The following PXMP2 variants were observed in gnomAD, a reference collection of about 807,000 sequenced individuals.
The protein encoded by PXMP2 is 22 kDa peroxisomal membrane protein.
Under a neutral mutation model 20.2 loss-of-function variants are expected in PXMP2, and 13 were observed. The ratio of observed to expected loss-of-function variants is 0.64; its 90% CI spans 0.42 to 1.02. PXMP2 has a LOEUF of 1.02. PXMP2 is among the 50% of genes least tolerant of loss of function. PXMP2 has a pLI of 0.00. For synonymous variants in PXMP2, 113 were observed against 111.2 expected, an observed-to-expected ratio of 1.02 and a Z score of -0.10; for missense variants, 284 against 251.8, an observed-to-expected ratio of 1.13 and a Z score of -0.87.
At chr12:132,687,932 C>A in intron 1 of PXMP2, 140 bp downstream of exon 1, 1 of 863,124 alleles carries the variant, frequency 1.2e-6, no homozygotes, top group Non-Finnish European at 1.4e-6. Context: ...GCCCTCCGAC[C>A]CGGCGCTGAA....
intron 4 of PXMP2, among the ~76,000 whole-genome samples, chr12:132,703,121 A>G (rs1052111013): frequency 6.6e-6 from 1 of 152,182 alleles, no homozygotes; most frequent in East Asian, 1.9e-4. Context: ...AAAAATCACA[A>G]GTCTAGAACA....
intron 2 of PXMP2, among the ~76,000 whole-genome samples, chr12:132,694,720 T>A (rs2043399446): frequency 7.7e-6 from 1 of 129,436 alleles, no homozygotes; most frequent in African/African-American, 2.8e-5. Flanking sequence ...TGCCAGTTAG[T>A]GAGCTCCCTT....
rs7979132 is a variant in PXMP2 at position 132,704,890 on chromosome 12, G to A, written c.*203G>A. On this transcript the variant is annotated 3_prime_UTR_variant, in exon 5 of 5. Transcript: ENST00000317479. Reference sequence around the variant, plus strand: ...AAAAGGCAGTCGCTGCCTTCAGGTGGTGCTGCCCCAGAAACTTAAAATTTA... The same window carrying A: ...AAAAGGCAGTCGCTGCCTTCAGGTGATGCTGCCCCAGAAACTTAAAATTTA... 54,836 of 591,384 alleles carry A rather than the reference G, an allele frequency of 0.093. 2,907 individuals carry two copies. Among genetic ancestry groups the A allele is most frequent in the East Asian group, 0.11 (3,671 of 32,942 alleles). 36.6% of individuals were successfully genotyped at this position (591,384 alleles called of 1,614,324 possible).
rs2043311768 is a variant in PXMP2 at position 132,687,654 on chromosome 12, A to C, written c.-17A>C. 1 of 1,154,716 alleles carries C rather than the reference A, an allele frequency of 8.7e-7. No homozygotes were observed. Among genetic ancestry groups the C allele is most frequent in the African/African-American group, 1.6e-5 (1 of 61,556 alleles). The allele number at this position is 1,154,716 out of a possible 1,614,324, so 71.5% of individuals were successfully genotyped here. The stretch of plus-strand genomic sequence containing the variant: ...AGGTGGGGTCGGTGCCCCCGGCGGC[A>C]CGGCGCTGGGGAGGCGATGGCGCCG... On this transcript the variant is annotated 5_prime_UTR_variant, in exon 1 of 5. Transcript: ENST00000317479.
At chr12:132,700,348 C>T (rs1005997805) in intron 3 of PXMP2, among the ~76,000 whole-genome samples, 5 of 152,058 alleles carry the variant, frequency 3.3e-5, no homozygotes, top group Non-Finnish European at 2.9e-5. Flanking sequence ...CGCCTGGCCA[C>T]TTGACTTTTT....
chr12:132,695,511 G>C (rs999738770), intron 2 of PXMP2, among the ~76,000 whole-genome samples: 3 of 152,346 alleles, frequency 2.0e-5, no homozygotes, highest in Admixed American at 6.5e-5. Flanking sequence ...GGGGGGACGA[G>C]AGGCACAGAC....
chr12:132,690,124 A>G (rs1259312351), intron 1 of PXMP2, 139 bp from the exon 2 acceptor site: 6 of 663,012 alleles, frequency 9.0e-6, no homozygotes, highest in African/African-American at 9.0e-5. Flanking sequence ...AGAACTATAC[A>G]TTGCAGCCGC....
intron 2 of PXMP2, among the ~76,000 whole-genome samples, chr12:132,690,899 A>C (rs2043362175): frequency 6.6e-6 from 1 of 152,074 alleles, no homozygotes; most frequent in South Asian, 2.1e-4. Flanking sequence ...TGACTGTCTT[A>C]ATTGGGCTGA....
Position 132,696,192 on chromosome 12 carries a change from C to A in PXMP2, c.399+146C>A. On this transcript the variant is annotated intron_variant, in intron 3 of 4. Coordinates refer to ENST00000317479, the MANE Select transcript of PXMP2 (RefSeq NM_018663.3). This position sits in a 1 kb window ranked among gnomAD's most constrained non-coding sequence, Gnocchi z 4.4. Reference sequence around the variant, plus strand: ...TTCTTTTATGAATATAGGAAGCAAACATCTAGTATTGGCAGGACCTGTTTG... The same window carrying A: ...TTCTTTTATGAATATAGGAAGCAAAAATCTAGTATTGGCAGGACCTGTTTG... 1.1e-6 allele frequency: 1 copy of A among 884,676 alleles called. No homozygotes were observed. The highest frequency in any genetic ancestry group is 1.7e-6 in the Non-Finnish European group (1 of 603,032). The allele number at this position is 884,676 out of a possible 1,614,324, so 54.8% of individuals were successfully genotyped here. A position where few individuals can be genotyped will look rare whatever the true frequency, so the allele number is the denominator to read the frequency against.
Position 132,701,252 on chromosome 12 carries a change from G to C in PXMP2, c.402G>C (p.Gly134=). The change falls in exon 4 of 5, where the codon GGG becomes GGC. Residue 134 remains glycine (G), a splice_region_variant and synonymous_variant. Transcript: ENST00000317479. The part of the protein sequence containing the change: ...LFFLIMNFLE[G]KDASAFAAKM... The stretch of plus-strand genomic sequence containing the variant: ...CACCCGCCTTCCCTCCTTTGCAGGG[G>C]AAAGACGCCTCAGCCTTCGCCGCCA... 1 of 1,613,680 alleles carries C rather than the reference G, an allele frequency of 6.2e-7. No homozygotes were observed. The highest frequency in any genetic ancestry group is 8.5e-7 in the Non-Finnish European group (1 of 1,179,978).
intron 2 of PXMP2, among the ~76,000 whole-genome samples, chr12:132,694,449 T>G (rs189402081): frequency 3.5e-5 from 3 of 85,898 alleles, no homozygotes; most frequent in African/African-American, 4.3e-5. Flanking sequence ...GTTAGTGAGC[T>G]CCCTTAGCCA....
intron 4 of PXMP2, among the ~76,000 whole-genome samples, chr12:132,702,884 G>A (rs2043450482): frequency 6.6e-6 from 1 of 152,180 alleles, no homozygotes; most frequent in East Asian, 1.9e-4. Flanking sequence ...GAGGGAGGCG[G>A]CCCAGTGTGT....
intron 3 of PXMP2, among the ~76,000 whole-genome samples, chr12:132,699,526 C>CT (rs67730658): frequency 0.024 from 2,384 of 100,478 alleles, 78 homozygotes; most frequent in Admixed American, 0.033. Flanking sequence ...AAAAGACATG[C>CT]TTTTTTTTTT....
In PXMP2 at chr12:132,687,609, C is replaced by T. The variant is rs2136053513; in HGVS notation, c.-62C>T. ...CCCACTCCGCTCTCGGCGCCTCGGG[C>T]TCCGCGCCCGGCCAGCCTGAGGTGG... On this transcript the variant is annotated 5_prime_UTR_variant, in exon 1 of 5. Transcript: ENST00000317479. 1 of 1,164,104 alleles carries T rather than the reference C, an allele frequency of 8.6e-7. No homozygotes were observed. 72.1% of individuals were successfully genotyped at this position (1,164,104 alleles called of 1,614,324 possible).
At chr12:132,701,635 T>C in intron 4 of PXMP2, 1 of 455,138 alleles carries the variant, frequency 2.2e-6, no homozygotes, top group South Asian at 2.6e-5. Flanking sequence ...GCCTCTTCTG[T>C]TCGTTCAGCA....
At chr12:132,692,131 GCCAGTTAGTTAGTGAGCT>G (rs1263633458) in intron 2 of PXMP2, among the ~76,000 whole-genome samples, 5 of 79,872 alleles carry the variant, frequency 6.3e-5, no homozygotes, top group African/African-American at 1.9e-4. Flanking sequence ...AGCTCCCTTA[GCCAGTTAGTTAGTGAGCT>G]CCCTTGCCAG....
At position 132,704,955 on chromosome 12, in the gene PXMP2, A is replaced by T. The variant is rs1001286705; in HGVS notation, c.*268A>T. 1.8e-6 allele frequency: 1 copy of T among 542,504 alleles called. No homozygotes were observed. The allele number at this position is 542,504 out of a possible 1,614,324, so 33.6% of individuals were successfully genotyped here. A position where few individuals can be genotyped will look rare whatever the true frequency, so the allele number is the denominator to read the frequency against. ...AATTGTTACTGTGGACCGAATTAGG[A>T]TCACAATAAACGATAATGCAGGTTC... On this transcript the variant is annotated 3_prime_UTR_variant, in exon 5 of 5. Coordinates refer to ENST00000317479, the MANE Select transcript of PXMP2 (RefSeq NM_018663.3).
In PXMP2 at chr12:132,690,337, G is replaced by C; in HGVS notation, c.197G>C (p.Ser66Thr). ...AAGCGGAAAAAAGAAAACTCTAGAA[G>C]TCTGGATGTCGGTGGGCCTCTGAGA... Reference protein sequence around the residue: ...EKKRKKENSRSLDVGGPLRYA... With the variant: ...EKKRKKENSRTLDVGGPLRYA... The change falls in exon 2 of 5, where the codon AGT becomes ACT. Residue 66 changes from serine to threonine, a missense_variant. By Grantham distance (58) the Ser-to-Thr change is moderately conservative. Coordinates refer to ENST00000317479, the MANE Select transcript of PXMP2 (RefSeq NM_018663.3). The C allele has an allele frequency of 6.2e-7, 1 of 1,614,118 alleles. No individual in the cohort carries two copies. The highest frequency in any genetic ancestry group is 1.7e-5 in the Admixed American group (1 of 60,014).
At position 132,690,404 on chromosome 12, in the gene PXMP2, C is replaced by T. The variant is rs768081111; in HGVS notation, c.236+28C>T. ...GAGTGCCATACAAGGGGTGGGTTTA[C>T]CTTGTAGCCGCTGAGTGCAACCAAG... On this transcript the variant is annotated intron_variant, in intron 2 of 4. Transcript: ENST00000317479. The T allele has an allele frequency of 7.6e-6, 12 of 1,574,398 alleles. No homozygotes were observed. The East Asian group carries it at 2.5e-4, about 32-fold the overall frequency.
Sources: gnomAD v4.1 joint callset for allele counts (sites outside exome capture counted in the v4.1 genomes callset) on GRCh38, gnomAD v4.1.1 for gene constraint, Gnocchi (gnomAD v3.1) non-coding constraint, MANE v1.5 for transcripts, NCBI Gene and HGNC (gene_info 2026-07-23, HGNC 2026-07-21) for gene names.